Variants in THSD4 observed in about 807,000 individuals in gnomAD.
THSD4 encodes the protein thrombospondin type 1 domain containing 4.
Under a neutral mutation model 119.0 loss-of-function variants are expected in THSD4, and 69 were observed. The ratio of observed to expected loss-of-function variants is 0.58; its 90% confidence interval spans 0.48 to 0.71. The LOEUF is 0.71. Among genes scored for constraint, THSD4 ranks in the 30% least tolerant of loss-of-function variants. The pLI is 0.00. For synonymous variants in THSD4, 524 were observed against 540.4 expected (o/e 0.97, Z 0.42); for missense variants, 1,393 against 1,391.1 (o/e 1.00, Z -0.02).
chr15:71,740,446 G>T (rs972708519), intron 11 of THSD4, among the ~76,000 whole-genome samples: 4 of 152,174 alleles, frequency 2.6e-5, no homozygotes, highest in African/African-American at 9.7e-5. Context: ...TCATAAAAAG[G>T]ATGAAAGCTG....
At chr15:71,123,274 T>G (rs1371772755) in intron 1 of THSD4, among the ~76,000 whole-genome samples, 6 of 152,242 alleles carry the variant, frequency 3.9e-5, no homozygotes, top group Non-Finnish European at 8.8e-5. Flanking sequence ...ATCCAGTGCT[T>G]TCTGAGCCCC....
intron 17 of THSD4, among the ~76,000 whole-genome samples, chr15:71,776,193 C>G (rs1479834895): frequency 1.3e-5 from 2 of 152,042 alleles, no homozygotes; most frequent in African/African-American, 4.8e-5. Context: ...ACCAACAATT[C>G]CAAACCACAA....
Position 71,492,270 on chromosome 15 carries a change from A to T in THSD4, c.1152+80447A>T, listed in dbSNP as rs534721663. 1.8e-3 allele frequency among the ~76,000 whole-genome samples: 269 copies of T among 151,298 alleles called. 2 individuals are homozygous for T. Among genetic ancestry groups the T allele is most frequent in the African/African-American group, 6.1e-3 (250 of 41,242 alleles). ...AGGTTTTGTTTATTTTATTTATTTT[A>T]TTTTTTATTTTCGAGATGGAGTCTT... On this transcript the variant is annotated intron_variant, in intron 7 of 17. Coordinates refer to ENST00000261862, the MANE Select transcript of THSD4 (RefSeq NM_024817.3).
intron 7 of THSD4, among the ~76,000 whole-genome samples, chr15:71,560,972 T>C (rs1432724333): frequency 1.3e-5 from 1 of 75,998 alleles, no homozygotes; most frequent in Admixed American, 1.7e-4. Context: ...CTCTTTATCT[T>C]TTTTTTTTTT....
At chr15:71,225,629 C>A (rs1463490099) in intron 4 of THSD4, among the ~76,000 whole-genome samples, 5 of 149,418 alleles carry the variant, frequency 3.3e-5, no homozygotes, top group African/African-American at 1.2e-4. Context: ...TTCACTGCAA[C>A]CTCCGCCTCC....
chr15:71,422,184 A>C (rs1280074685), intron 7 of THSD4, among the ~76,000 whole-genome samples: 1 of 152,084 alleles, frequency 6.6e-6, no homozygotes, highest in Non-Finnish European at 1.5e-5. Flanking sequence ...TGGTGAGGTC[A>C]TGTTTTCCTG....
chr15:71,501,490 A>G (rs951676841), intron 7 of THSD4, among the ~76,000 whole-genome samples: 2 of 152,062 alleles, frequency 1.3e-5, no homozygotes, highest in East Asian at 3.9e-4. Context: ...GTTCTCCTCT[A>G]TGCTGGTATT....
intron 6 of THSD4, among the ~76,000 whole-genome samples, chr15:71,410,157 G>A (rs906614100): frequency 1.2e-4 from 18 of 152,152 alleles, no homozygotes; most frequent in Non-Finnish European, 2.4e-4. Flanking sequence ...AGACAAGGGG[G>A]AGAAAAGGCC....
intron 7 of THSD4, among the ~76,000 whole-genome samples, chr15:71,563,397 G>T (rs1324371198): frequency 6.6e-6 from 1 of 152,078 alleles, no homozygotes; most frequent in Non-Finnish European, 1.5e-5. Context: ...CCTATCCAAA[G>T]GCAATTAAAA....
At chr15:71,409,913 A>G (rs1032780790) in intron 6 of THSD4, among the ~76,000 whole-genome samples, 2 of 150,506 alleles carry the variant, frequency 1.3e-5, no homozygotes, top group African/African-American at 4.9e-5. Flanking sequence ...TTTTTTACAT[A>G]CAGTGTGTAC....
chr15:71,422,858 T>G (rs1331227798), intron 7 of THSD4, among the ~76,000 whole-genome samples: 1 of 152,116 alleles, frequency 6.6e-6, no homozygotes, highest in Non-Finnish European at 1.5e-5. Flanking sequence ...AGGAATCAAC[T>G]GTTGCTCTAT....
chr15:71,395,232 G>A (rs1278900247), intron 6 of THSD4, among the ~76,000 whole-genome samples: 1 of 152,176 alleles, frequency 6.6e-6, no homozygotes, highest in Non-Finnish European at 1.5e-5. Context: ...TCACTTGTTA[G>A]TGGGTTTTAT....
chr15:71,494,308 C>T (rs1452125995), intron 7 of THSD4, among the ~76,000 whole-genome samples: 3 of 152,098 alleles, frequency 2.0e-5, no homozygotes, highest in African/African-American at 7.2e-5. Context: ...CGGAGCTCAT[C>T]TCTGTCCCCA....
chr15:71,122,367 A>T (rs1315375334), intron 1 of THSD4, among the ~76,000 whole-genome samples: 1 of 152,158 alleles, frequency 6.6e-6, no homozygotes, highest in African/African-American at 2.4e-5. Flanking sequence ...GCAAGTAGAC[A>T]TCAGAATGAT....
chr15:71,381,436 G>A (rs4777381), intron 6 of THSD4, among the ~76,000 whole-genome samples: 74,066 of 151,994 alleles, frequency 0.49, 18,922 homozygotes, highest in East Asian at 0.69. Context: ...ATTAAGTTTT[G>A]CTCTGGCTTG....
intron 7 of THSD4, among the ~76,000 whole-genome samples, chr15:71,581,972 G>C (rs750557473): frequency 2.6e-5 from 4 of 152,084 alleles, no homozygotes; most frequent in Non-Finnish European, 5.9e-5. Flanking sequence ...TCTTGCTCAG[G>C]ATTGCTTTGG....
At chr15:71,238,250 G>A (rs1447195785) in intron 4 of THSD4, among the ~76,000 whole-genome samples, 1 of 151,794 alleles carries the variant, frequency 6.6e-6, no homozygotes, top group Non-Finnish European at 1.5e-5. Context: ...CTATCAGTAA[G>A]TTCAATTTGA....
intron 6 of THSD4, among the ~76,000 whole-genome samples, chr15:71,357,099 G>T (rs927510242): frequency 6.6e-6 from 1 of 152,180 alleles, no homozygotes; most frequent in Non-Finnish European, 1.5e-5. Flanking sequence ...CCTGTGGCTT[G>T]TGGGCCAAGA....
chr15:71,431,365 T>C (rs2046941295), intron 7 of THSD4, among the ~76,000 whole-genome samples: 1 of 152,196 alleles, frequency 6.6e-6, no homozygotes, highest in Non-Finnish European at 1.5e-5. Flanking sequence ...CAGAGGTCTA[T>C]ATTTCAGGGT....
Sources: allele counts gnomAD v4.1 joint callset (sites outside exome capture counted in the v4.1 genomes callset), GRCh38; gene constraint gnomAD v4.1.1; transcripts MANE v1.5; gene names NCBI Gene and HGNC (gene_info 2026-07-23, HGNC 2026-07-21).